The following DNM1L variants were observed in gnomAD, a reference collection of about 807,000 sequenced individuals.
DNM1L encodes the protein dynamin-1-like protein.
Under a neutral mutation model 92.8 loss-of-function variants are expected in DNM1L, and 33 were observed. The ratio of observed to expected loss-of-function variants is 0.36; its 90% confidence interval spans 0.27 to 0.48. DNM1L has a LOEUF of 0.48. Among genes scored for constraint, DNM1L ranks in the 20% least tolerant of loss-of-function variants. The pLI, the probability that DNM1L is intolerant of heterozygous loss-of-function variation, is 0.99. For missense variants in DNM1L, 485 were observed against 888.8 expected, an observed-to-expected ratio of 0.55 and a Z score of 5.78; for synonymous variants, 284 against 305.0, an observed-to-expected ratio of 0.93 and a Z score of 0.72.
chr12:32,701,288 AAAAT>A, intron 1 of DNM1L, 123 bp from the exon 2 acceptor site: 2 of 866,470 alleles, frequency 2.3e-6, no homozygotes, highest in African/African-American at 1.7e-5. Context: ...AAAAAAAAAA[AAAAT>A]AGTCTCTGCA....
chr12:32,690,024 C>T (rs911443268), intron 1 of DNM1L, among the ~76,000 whole-genome samples: 1 of 152,158 alleles, frequency 6.6e-6, no homozygotes, highest in Non-Finnish European at 1.5e-5. Flanking sequence ...CAGTGGAGCC[C>T]GATTTTCAGA....
At chr12:32,733,910 C>T in intron 13 of DNM1L, 103 bp downstream of exon 13, 7 of 988,646 alleles carry the variant, frequency 7.1e-6, no homozygotes, top group South Asian at 1.3e-5. Flanking sequence ...TAGACATGTG[C>T]CACATTAGTG....
chr12:32,694,342 C>T (rs1050541772), intron 1 of DNM1L, among the ~76,000 whole-genome samples: 2 of 152,172 alleles, frequency 1.3e-5, no homozygotes, highest in Non-Finnish European at 2.9e-5. Flanking sequence ...CCTTGGCCTC[C>T]CAAAGTGCTG....
At chr12:32,688,775 ATC>A (rs1952120488) in intron 1 of DNM1L, among the ~76,000 whole-genome samples, 2 of 152,154 alleles carry the variant, frequency 1.3e-5, no homozygotes, top group Non-Finnish European at 1.5e-5. Context: ...AGATATCTGA[ATC>A]TCTCTCTTAG....
At chr12:32,713,464 T>TAAAAAC in intron 6 of DNM1L, 93 bp downstream of exon 6, 1 of 1,310,924 alleles carries the variant, frequency 7.6e-7, no homozygotes, top group Non-Finnish European at 1.1e-6. Flanking sequence ...ACAGTATCTC[T>TAAAAAC]GGTTTTGAAT....
intron 14 of DNM1L, 47 bp downstream of exon 14, chr12:32,737,208 T>C (rs767132406): frequency 6.3e-7 from 1 of 1,593,034 alleles, no homozygotes. Context: ...AAAGATAGAT[T>C]GATGAGCTCA....
chr12:32,682,762 C>A (rs1175423707), intron 1 of DNM1L, among the ~76,000 whole-genome samples: 1 of 152,184 alleles, frequency 6.6e-6, no homozygotes, highest in African/African-American at 2.4e-5. Flanking sequence ...AAGTAACACT[C>A]ATTTGGGGGC....
At chr12:32,729,701 C>T (rs1437351316) in intron 9 of DNM1L, among the ~76,000 whole-genome samples, 1 of 152,152 alleles carries the variant, frequency 6.6e-6, no homozygotes, top group Admixed American at 6.5e-5. Flanking sequence ...CTCAGGTGAT[C>T]TGCCCACCTC....
At position 32,710,825 on chromosome 12, in the gene DNM1L, T is replaced by C. The variant is rs527594590; in HGVS notation, c.370-104T>C. 51 of 1,015,954 alleles carry C rather than the reference T, an allele frequency of 5.0e-5. No homozygotes were observed. The East Asian group carries it at 1.4e-3, about 27-fold the overall frequency. The allele number at this position is 1,015,954 out of a possible 1,614,324, so 62.9% of individuals were successfully genotyped here. On this transcript the variant is annotated intron_variant, in intron 4 of 19. Transcript: ENST00000549701. ...TGTTAAAAAAAAGTTTTAGGAATCA[T>C]GATTTAATTCATTTTTAAAAGCATT...
chr12:32,692,816 A>G (rs1952284107), intron 1 of DNM1L: 1 of 152,220 alleles, frequency 6.6e-6, no homozygotes, highest in African/African-American at 2.4e-5. Flanking sequence ...AGTTCCACTC[A>G]CTATCAGTCA....
Position 32,731,533 on chromosome 12 carries a change from G to C in DNM1L, c.1356+22G>C, listed in dbSNP as rs369313932. 3.4e-4 allele frequency: 542 copies of C among 1,613,200 alleles called. No homozygotes were observed. The highest frequency in any genetic ancestry group is 4.1e-4 in the Non-Finnish European group (480 of 1,179,920). On this transcript the variant is annotated intron_variant, in intron 11 of 19. Coordinates refer to ENST00000549701, the MANE Select transcript of DNM1L (RefSeq NM_012062.5). The surrounding 1 kb of genome is among the most constrained non-coding windows in gnomAD (Gnocchi z 5.1). ...ACAGGTAACGGAGAGAAATGTAACA[G>C]GTTTCACATGAACTAGAAAAGGACA... is the stretch of plus-strand genomic sequence containing the variant.
At position 32,740,215 on chromosome 12, in the gene DNM1L, G is replaced by A; in HGVS notation, c.1859G>A (p.Gly620Asp). The change falls in exon 17 of 20, where the codon GGT becomes GAT. Residue 620 changes from glycine (G) to aspartate (D), a missense_variant. Gly to Asp is a moderately conservative substitution (Grantham distance 94). Around this residue, in one of 11 missense-constraint regions of DNM1L, gnomAD observed 133 missense variants for 210.9 expected, o/e 0.63. Coordinates refer to ENST00000549701, the MANE Select transcript of DNM1L (RefSeq NM_012062.5). ...ATTATGCCAGCCAGTCCACAAAAAGGTCATGCCGTGAACCTGCTAGATGTG... is the reference window on the plus strand; with the variant it reads ...ATTATGCCAGCCAGTCCACAAAAAGATCATGCCGTGAACCTGCTAGATGTG... ...IPIMPASPQK[G>D]HAVNLLDVPV... The A allele has an allele frequency of 6.2e-7, 1 of 1,614,104 alleles. No homozygotes were observed. The highest frequency in any genetic ancestry group is 8.5e-7 in the Non-Finnish European group (1 of 1,180,020).
intron 9 of DNM1L, 152 bp from the exon 10 acceptor site, chr12:32,730,862 G>A: frequency 9.3e-7 from 1 of 1,072,258 alleles, no homozygotes; most frequent in South Asian, 1.4e-5. Context: ...AATGAGCTGA[G>A]TTAGAACACA....
chr12:32,679,565 C>T, intron 1 of DNM1L, 100 bp downstream of exon 1: 1 of 1,462,648 alleles, frequency 6.8e-7, no homozygotes, highest in Non-Finnish European at 9.2e-7. Context: ...CACTCCCGCG[C>T]CAGCCTTTGG....
Position 32,740,444 on chromosome 12 carries a change from A to T in DNM1L, c.1920A>T (p.Glu640Asp). 6.2e-7 allele frequency: 1 copy of T among 1,614,142 alleles called. No individual in the cohort carries two copies. Residue 640 changes from glutamate to aspartate, a missense_variant, in exon 18 of 20, where the codon GAA becomes GAT. Physicochemically the swap from Glu to Asp is conservative, Grantham distance 45. This residue lies in a region of DNM1L where 133 missense variants were observed against 210.9 expected (regional missense o/e 0.63). Transcript: ENST00000549701. ...TTGCACGAAAACTATCTGCTCGGGA[A>T]CAGCGAGATTGTGAGGTTATTGAAC... ...VPVARKLSAR[E>D]QRDCEVIERL...
intron 1 of DNM1L, among the ~76,000 whole-genome samples, chr12:32,695,739 A>G (rs780084802): frequency 6.6e-5 from 10 of 152,154 alleles, no homozygotes; most frequent in Non-Finnish European, 1.3e-4. Flanking sequence ...GCCACCGCAC[A>G]CCAGCCTGGG....
At chr12:32,710,001 G>T (rs979364942) in intron 4 of DNM1L, among the ~76,000 whole-genome samples, 1 of 152,180 alleles carries the variant, frequency 6.6e-6, no homozygotes, top group African/African-American at 2.4e-5. Flanking sequence ...AGTTAAACAG[G>T]TGATGAGAGG....
At chr12:32,721,287 A>T (rs1478251807) in intron 8 of DNM1L, among the ~76,000 whole-genome samples, 1 of 152,210 alleles carries the variant, frequency 6.6e-6, no homozygotes. Flanking sequence ...TTTCTAGATG[A>T]TTTATAAATG....
intron 6 of DNM1L, among the ~76,000 whole-genome samples, chr12:32,716,742 GTATATATATA>G (rs71447619): frequency 1.4e-5 from 2 of 139,188 alleles, no homozygotes; most frequent in African/African-American, 5.2e-5. Flanking sequence ...ACTATATATA[GTATATATATA>G]TATATATATA....
Sources: allele counts gnomAD v4.1 joint callset (sites outside exome capture counted in the v4.1 genomes callset), GRCh38; gene constraint gnomAD v4.1.1; regional missense constraint gnomAD v4.1.1; non-coding constraint Gnocchi (gnomAD v3.1); transcripts MANE v1.5; gene names NCBI Gene and HGNC (gene_info 2026-07-23, HGNC 2026-07-21).